Variants in RGS3 observed in about 807,000 individuals in gnomAD.
RGS3 encodes regulator of G protein signaling 3.
Under a neutral mutation model 132.6 loss-of-function variants are expected in RGS3, and 80 were observed. That is an observed-to-expected ratio of 0.60 (90% CI 0.50 to 0.73). The LOEUF is 0.73. Among genes scored for constraint, RGS3 ranks in the 30% least tolerant of loss-of-function variants. The pLI, the probability that RGS3 is intolerant of heterozygous loss-of-function variation, is 0.00. For synonymous variants in RGS3, 598 were observed against 620.6 expected, an observed-to-expected ratio of 0.96 and a Z score of 0.54; for missense variants, 1,382 against 1,530.8, an observed-to-expected ratio of 0.90 and a Z score of 1.62.
At chr9:113,578,590 T>C (rs1406598246) in intron 19 of RGS3, among the ~76,000 whole-genome samples, 2 of 151,510 alleles carry the variant, frequency 1.3e-5, no homozygotes, top group Admixed American at 1.3e-4. Flanking sequence ...GGACTGGGGG[T>C]GTCAGCCTCT....
chr9:113,595,905 C>A, intron 24 of RGS3, 140 bp downstream of exon 22: 1 of 905,238 alleles, frequency 1.1e-6, no homozygotes, highest in Non-Finnish European at 1.7e-6. Context: ...AGGGAAGATG[C>A]AAGCTAGGAT....
chr9:113,448,621 C>T (rs1006457552), intron 1 of RGS3, among the ~76,000 whole-genome samples: 1 of 152,144 alleles, frequency 6.6e-6, no homozygotes, highest in Admixed American at 6.5e-5. Flanking sequence ...CTGTTGCCAC[C>T]CTCTACTGCC....
chr9:113,568,773 C>T (rs1834122911), intron 19 of RGS3, among the ~76,000 whole-genome samples: 1 of 152,246 alleles, frequency 6.6e-6, no homozygotes, highest in Non-Finnish European at 1.5e-5. Context: ...CCCCCTAAGC[C>T]TGGAGAAGCT....
At chr9:113,594,218 G>A (rs577928612) in intron 21 of RGS3, 1 of 1,612,862 alleles carries the variant, frequency 6.2e-7, no homozygotes, top group African/African-American at 1.3e-5. Context: ...GGGGACAGGA[G>A]CCAGAGTGGT....
At chr9:113,581,098 C>T (rs1216433672) in intron 19 of RGS3, 16 of 597,424 alleles carry the variant, frequency 2.7e-5, no homozygotes, top group Non-Finnish European at 3.4e-5. Context: ...GGCTGCAGGG[C>T]AGTTTGTTTC....
chr9:113,532,855 A>G (rs1458618200), intron 18 of RGS3, among the ~76,000 whole-genome samples: 1 of 152,144 alleles, frequency 6.6e-6, no homozygotes, highest in African/African-American at 2.4e-5. Context: ...AGAGCAGTGG[A>G]CAGTTATACA....
At chr9:113,485,668 G>T in exon 7 of RGS3, 2 of 1,595,560 alleles carry the variant, frequency 1.3e-6, no homozygotes, top group Non-Finnish European at 1.7e-6. Flanking sequence ...CTTGGTTACT[G>T]TGTGGAACAG....
chr9:113,451,019 A>C (rs1211682430), intron 1 of RGS3, among the ~76,000 whole-genome samples: 1 of 151,950 alleles, frequency 6.6e-6, no homozygotes, highest in Non-Finnish European at 1.5e-5. Flanking sequence ...CTCTACTAAA[A>C]ATACAAAAAT....
At chr9:113,490,730 TAA>T (rs1830483287) in intron 7 of RGS3, among the ~76,000 whole-genome samples, 1 of 142,384 alleles carries the variant, frequency 7.0e-6, no homozygotes, top group Non-Finnish European at 1.5e-5. Context: ...TAATTATATA[TAA>T]CTTAATTATA....
intron 10 of RGS3, chr9:113,501,506 CA>C: frequency 6.5e-7 from 1 of 1,529,066 alleles, no homozygotes; most frequent in Non-Finnish European, 8.8e-7. Context: ...CTGACGGGTC[CA>C]GTGCGGGCTC....
intron 7 of RGS3, 77 bp downstream of exon 5, chr9:113,485,770 G>C (rs1189143344): frequency 3.8e-6 from 4 of 1,057,984 alleles, no homozygotes; most frequent in Non-Finnish European, 5.7e-6. Context: ...GCATACACCA[G>C]GGGTTCGATT....
At chr9:113,595,389 A>G (rs1835713358) in intron 23 of RGS3, 4 of 580,106 alleles carry the variant, frequency 6.9e-6, no homozygotes, top group Non-Finnish European at 1.2e-5. Context: ...GAAGACACTG[A>G]GGCATAGAGA....
intron 1 of RGS3, among the ~76,000 whole-genome samples, chr9:113,445,463 G>T (rs571302099): frequency 6.6e-6 from 1 of 152,244 alleles, no homozygotes; most frequent in African/African-American, 2.4e-5. Context: ...CTCCCAAAGT[G>T]CTGGGATTAC....
At chr9:113,485,151 A>G (rs958862904) in intron 6 of RGS3, among the ~76,000 whole-genome samples, 16 of 152,044 alleles carry the variant, frequency 1.1e-4, no homozygotes, top group African/African-American at 3.9e-4. Context: ...GCAGTGGCAC[A>G]ATCTCGGCTC....
chr9:113,552,339 C>T (rs938317175), intron 19 of RGS3, among the ~76,000 whole-genome samples: 10 of 152,014 alleles, frequency 6.6e-5, no homozygotes, highest in Admixed American at 1.3e-4. Flanking sequence ...TTTTTTGAGA[C>T]GGAGTCTCAC....
intron 19 of RGS3, among the ~76,000 whole-genome samples, chr9:113,555,892 A>G (rs1005034142): frequency 6.6e-6 from 1 of 152,218 alleles, no homozygotes; most frequent in Non-Finnish European, 1.5e-5. Context: ...TCTGTCTCTC[A>G]CATACCACGT....
At chr9:113,452,554 C>T (rs1011044916) in intron 1 of RGS3, among the ~76,000 whole-genome samples, 4 of 151,724 alleles carry the variant, frequency 2.6e-5, no homozygotes, top group African/African-American at 9.7e-5. Flanking sequence ...GTGGGGTTTA[C>T]AGTTTTCATC....
intron 18 of RGS3, 98 bp from the exon 17 acceptor site, chr9:113,536,698 C>T: frequency 5.2e-6 from 8 of 1,538,554 alleles, no homozygotes; most frequent in Non-Finnish European, 7.0e-6. Flanking sequence ...CTGGCTGCAG[C>T]CTCACCCTCT....
At position 113,591,525 on chromosome 9, in the gene RGS3, C is replaced by A; in HGVS notation, c.3080+128C>A. 2.5e-6 allele frequency: 2 copies of A among 812,600 alleles called. No homozygotes were observed. Among genetic ancestry groups the A allele is most frequent in the South Asian group, 1.4e-5 (1 of 69,156 alleles). 50.3% of individuals were successfully genotyped at this position (812,600 alleles called of 1,614,324 possible). A position where few individuals can be genotyped will look rare whatever the true frequency, so the allele number is the denominator to read the frequency against. On this transcript the variant is annotated intron_variant, in intron 21 of 24. Coordinates refer to ENST00000350696, the Ensembl canonical transcript of RGS3. The surrounding 1 kb of genome is among the most constrained non-coding windows in gnomAD (Gnocchi z 4.4). ...TCCCGCCCACAACCCCAGACAGACA[C>A]CAAGGAAAAACTGGATCTTGGAACT...
Sources: gnomAD v4.1 joint callset for allele counts (sites outside exome capture counted in the v4.1 genomes callset) on GRCh38, gnomAD v4.1.1 for gene constraint, Gnocchi (gnomAD v3.1) non-coding constraint, MANE v1.5 for transcripts, NCBI Gene and HGNC (gene_info 2026-07-23, HGNC 2026-07-21) for gene names.